KPNA6: variants seen among roughly 807,000 people sequenced by gnomAD.
KPNA6 encodes karyopherin subunit alpha 6, also known as importin subunit alpha-7.
Under a neutral mutation model 72.0 loss-of-function variants are expected in KPNA6, and 9 were observed. The observed-to-expected ratio is 0.13, with a 90% CI of 0.08 to 0.22. The LOEUF (loss-of-function observed/expected upper bound fraction) is 0.22. Ranked by LOEUF, KPNA6 falls within the 10% of genes least tolerant of loss-of-function variation. The pLI, the probability that KPNA6 is intolerant of heterozygous loss-of-function variation, is 1.00. For synonymous variants in KPNA6, 219 were observed against 242.1 expected (o/e 0.90, Z 0.89); for missense variants, 374 against 655.7 (o/e 0.57, Z 4.69).
intron 1 of KPNA6, among the ~76,000 whole-genome samples, chr1:32,120,939 GC>G (rs1641423047): frequency 6.6e-6 from 1 of 150,448 alleles, no homozygotes; most frequent in African/African-American, 2.4e-5. Context: ...CGCGATCACA[GC>G]TCACTGCAAC....
intron 1 of KPNA6, among the ~76,000 whole-genome samples, chr1:32,122,972 A>AG (rs1251097491): frequency 3.9e-5 from 6 of 152,118 alleles, no homozygotes; most frequent in Non-Finnish European, 7.4e-5. Context: ...AAAAAAAAAA[A>AG]AAAAGTTTGG....
intron 1 of KPNA6, among the ~76,000 whole-genome samples, chr1:32,128,426 T>TATATATATATACAC (rs1491304508): frequency 2.0e-5 from 2 of 99,170 alleles, no homozygotes; most frequent in East Asian, 6.4e-4. Context: ...TATATATATA[T>TATATATATATACAC]ACACACACAC....
chr1:32,151,316 C>G (rs528343089), intron 1 of KPNA6, among the ~76,000 whole-genome samples: 12 of 152,230 alleles, frequency 7.9e-5, no homozygotes, highest in Non-Finnish European at 1.5e-4. Context: ...CCTAAGTGAT[C>G]AGGGAGAAAT....
At chr1:32,164,044 TA>T (rs1642288120) in intron 10 of KPNA6, among the ~76,000 whole-genome samples, 2 of 152,334 alleles carry the variant, frequency 1.3e-5, no homozygotes, top group African/African-American at 4.8e-5. Flanking sequence ...CCGTACACAT[TA>T]AACAGTAACT....
At chr1:32,151,492 C>T (rs1642031597) in intron 1 of KPNA6, among the ~76,000 whole-genome samples, 1 of 152,120 alleles carries the variant, frequency 6.6e-6, no homozygotes, top group Non-Finnish European at 1.5e-5. Flanking sequence ...AACAGATTTC[C>T]CAATTTTTTT....
At chr1:32,111,288 T>A (rs2124518232) in intron 1 of KPNA6, among the ~76,000 whole-genome samples, 1 of 152,296 alleles carries the variant, frequency 6.6e-6, no homozygotes, top group African/African-American at 2.4e-5. Context: ...GTAAGATTCT[T>A]ACCCATTTTG....
chr1:32,130,222 ATTTTTTTTTTTTT>A (rs55953899), intron 1 of KPNA6, among the ~76,000 whole-genome samples: 1 of 103,138 alleles, frequency 9.7e-6, no homozygotes, highest in African/African-American at 3.5e-5. Flanking sequence ...GTAGATAAAT[ATTTTTTTTTTTTT>A]TTTTTTTTTT....
intron 1 of KPNA6, among the ~76,000 whole-genome samples, chr1:32,144,334 A>G (rs1256479707): frequency 1.3e-5 from 2 of 152,230 alleles, no homozygotes; most frequent in Non-Finnish European, 1.5e-5. Context: ...TACTTGGAAT[A>G]GTATGAAATT....
chr1:32,150,635 TTGTTCATTTGGAGACAGAGTCTCCCTC>T (rs1642012275), intron 1 of KPNA6, among the ~76,000 whole-genome samples: 1 of 151,918 alleles, frequency 6.6e-6, no homozygotes, highest in African/African-American at 2.4e-5. Context: ...TTTTTGTTGT[TTGTTCATTTGGAGACAGAGTCTCCCTC>T]TGTCACCAGG....
rs1276962278 is a variant in KPNA6 at position 32,118,992 on chromosome 1, GTATACATATA to G, written c.4+10863_4+10872del. On this transcript the variant is annotated intron_variant, in intron 1 of 13. Transcript: ENST00000373625. ...TATATATGTGTGTGTGTGTGTGTGT[GTATACATATA>G]TATATATATATATATATATATATAT... Among the ~76,000 whole-genome samples, 250 of 82,896 alleles carry G rather than the reference GTATACATATA, an allele frequency of 3.0e-3. 1 individual carries two copies. The highest frequency in any genetic ancestry group is 0.013 in the East Asian group (37 of 2,918). The allele number at this position is 82,896 out of a possible 152,430, so 54.4% of individuals were successfully genotyped here.
intron 1 of KPNA6, among the ~76,000 whole-genome samples, chr1:32,128,156 A>C (rs182073911): frequency 6.6e-6 from 1 of 151,714 alleles, no homozygotes; most frequent in Non-Finnish European, 1.5e-5. Flanking sequence ...TTCTATTTCA[A>C]ATGAGATCGC....
At chr1:32,124,026 C>G (rs1333444019) in intron 1 of KPNA6, among the ~76,000 whole-genome samples, 3 of 115,108 alleles carry the variant, frequency 2.6e-5, no homozygotes, top group African/African-American at 3.8e-5. Context: ...GAGCAAGACT[C>G]TGTCTCAAAA....
chr1:32,132,005 C>T (rs931428028), intron 1 of KPNA6, among the ~76,000 whole-genome samples: 1 of 151,570 alleles, frequency 6.6e-6, no homozygotes, highest in African/African-American at 2.4e-5. Flanking sequence ...GAGTCTTGCT[C>T]TGTTGCCCAG....
chr1:32,162,612 G>A lies in KPNA6; in HGVS notation c.911+88G>A, dbSNP rs150908015. 2.0e-3 allele frequency: 2,814 copies of A among 1,404,702 alleles called. 44 individuals carry two copies. The African/African-American group carries it at 0.033, about 17-fold the overall frequency. 87.0% of individuals were successfully genotyped at this position (1,404,702 alleles called of 1,614,324 possible). On this transcript the variant is annotated intron_variant, in intron 9 of 13. Transcript: ENST00000373625. ...AGCACTTTGGGATGCCAAGGTGGGC[G>A]GATCACAAGGTCAGGAGTTCGAGAC...
intron 1 of KPNA6, among the ~76,000 whole-genome samples, chr1:32,112,477 A>G (rs1641257961): frequency 6.6e-6 from 1 of 152,116 alleles, no homozygotes; most frequent in African/African-American, 2.4e-5. Context: ...GTAGAGTAAA[A>G]GTACCTCTTT....
At chr1:32,131,610 A>G (rs1641638012) in intron 1 of KPNA6, among the ~76,000 whole-genome samples, 1 of 151,680 alleles carries the variant, frequency 6.6e-6, no homozygotes, top group Admixed American at 6.6e-5. Flanking sequence ...GTCTATACAC[A>G]CACATATATA....
intron 1 of KPNA6, among the ~76,000 whole-genome samples, chr1:32,146,502 G>A (rs1321283008): frequency 6.6e-6 from 1 of 151,838 alleles, no homozygotes; most frequent in Non-Finnish European, 1.5e-5. Flanking sequence ...ATTTCCTAGT[G>A]AACACCATGG....
chr1:32,169,556 C>T (rs145322516), intron 12 of KPNA6, among the ~76,000 whole-genome samples: 2,826 of 150,978 alleles, frequency 0.019, 88 homozygotes, highest in African/African-American at 0.065. Context: ...ACACCATTCT[C>T]CTGCCTCAGC....
intron 1 of KPNA6, among the ~76,000 whole-genome samples, chr1:32,124,906 G>A (rs1432367480): frequency 2.0e-5 from 3 of 151,332 alleles, no homozygotes; most frequent in Non-Finnish European, 4.4e-5. Context: ...GTATAGTGGC[G>A]CAATCTCAGC....
Sources: gnomAD v4.1 joint callset for allele counts (sites outside exome capture counted in the v4.1 genomes callset) on GRCh38, gnomAD v4.1.1 for gene constraint, MANE v1.5 for transcripts, NCBI Gene and HGNC (gene_info 2026-07-23, HGNC 2026-07-21) for gene names.